LRRC47: variants seen among roughly 807,000 people sequenced by gnomAD.
LRRC47 encodes the protein leucine rich repeat containing 47, also known as leucine-rich repeat-containing protein 47.
A neutral mutation model predicts 40.9 loss-of-function variants in LRRC47; 31 were observed. That is an observed-to-expected ratio of 0.76 (90% CI 0.57 to 1.02). LRRC47 has a LOEUF of 1.02. LRRC47 is among the 50% of genes least tolerant of loss of function. The probability of loss-of-function intolerance (pLI) is 0.00; values close to 1 mark genes in which losing one functional copy is unlikely to be tolerated. For missense variants in LRRC47, 726 were observed against 796.1 expected, an observed-to-expected ratio of 0.91 and a Z score of 1.06; for synonymous variants, 427 against 371.9, an observed-to-expected ratio of 1.15 and a Z score of -1.70.
At chr1:3,792,293 GC>G (rs1643633699) in intron 1 of LRRC47, among the ~76,000 whole-genome samples, 1 of 152,186 alleles carries the variant, frequency 6.6e-6, no homozygotes, top group South Asian at 2.1e-4. Flanking sequence ...CTGATAGAGA[GC>G]CACTGGACGC....
chr1:3,793,791 A>G (rs574999421), intron 1 of LRRC47, among the ~76,000 whole-genome samples: 1 of 152,256 alleles, frequency 6.6e-6, no homozygotes, highest in African/African-American at 2.4e-5. Flanking sequence ...CCACACCCCT[A>G]TGATTGCACC....
Position 3,781,598 on chromosome 1 carries a change from T to C in LRRC47, c.1417A>G (p.Lys473Glu). Residue 473 changes from lysine to glutamate, a missense_variant, in exon 6 of 7, where the codon AAG becomes GAG. By Grantham distance (56) the Lys-to-Glu change is moderately conservative (BLOSUM62 1). Coordinates refer to ENST00000378251, the MANE Select transcript of LRRC47 (RefSeq NM_020710.3). ...PITNSEKTKV[K>E]KTTSDLFLEV... ...AAAAACAAATCAGAAGTCGTTTTCT[T>C]AACCTTAAAAGAAAAAAACATTTCA... is the stretch of plus-strand genomic sequence containing the variant. 1.2e-6 allele frequency: 2 copies of C among 1,612,302 alleles called. No homozygotes were observed. Among genetic ancestry groups the C allele is most frequent in the Non-Finnish European group, 1.7e-6 (2 of 1,178,812 alleles).
At chr1:3,785,435 A>G (rs1212444694) in intron 2 of LRRC47, 6 of 238,932 alleles carry the variant, frequency 2.5e-5, no homozygotes, top group Non-Finnish European at 2.4e-5. Flanking sequence ...TAACCTATCA[A>G]TCAGCAGACT....
chr1:3,784,856 G>A (rs563006420), intron 3 of LRRC47, among the ~76,000 whole-genome samples: 11 of 152,322 alleles, frequency 7.2e-5, no homozygotes, highest in African/African-American at 2.4e-4. Flanking sequence ...TTAGCTGGGC[G>A]TGGTGGCACA....
chr1:3,790,694 C>T (rs1196556080), intron 1 of LRRC47, among the ~76,000 whole-genome samples: 1 of 152,238 alleles, frequency 6.6e-6, no homozygotes, highest in Non-Finnish European at 1.5e-5. Context: ...GGCAGAGCTA[C>T]TGCTGAGGCC....
Position 3,782,578 on chromosome 1 carries a change from A to G in LRRC47, c.1413+83T>C, listed in dbSNP as rs958270440. 10 of 849,854 alleles carry G rather than the reference A, an allele frequency of 1.2e-5. No homozygotes were observed. The African/African-American group carries it at 1.5e-4, about 13-fold the overall frequency. 52.6% of individuals were successfully genotyped at this position (849,854 alleles called of 1,614,324 possible). On this transcript the variant is annotated intron_variant, in intron 5 of 6. Transcript: ENST00000378251. The stretch of plus-strand genomic sequence containing the variant: ...CAAAATGCTGGGATTACCGGTGTTG[A>G]GCCACCACGCCCCGCAGACTTGTGT...
intron 1 of LRRC47, 108 bp from the exon 2 acceptor site, chr1:3,787,418 G>A: frequency 8.9e-7 from 1 of 1,125,212 alleles, no homozygotes; most frequent in Non-Finnish European, 1.2e-6. Flanking sequence ...AGCCACCACT[G>A]GCCTGTCTGT....
intron 4 of LRRC47, 37 bp from the exon 5 acceptor site, chr1:3,782,800 T>TA (rs1557640511): frequency 5.6e-6 from 7 of 1,241,038 alleles, no homozygotes; most frequent in Non-Finnish European, 8.3e-6. Context: ...GGCATAATTA[T>TA]AAAAGAAACA....
At chr1:3,790,514 C>G (rs1643617432) in intron 1 of LRRC47, among the ~76,000 whole-genome samples, 1 of 152,238 alleles carries the variant, frequency 6.6e-6, no homozygotes, top group Non-Finnish European at 1.5e-5. Flanking sequence ...ACAATGCAGT[C>G]AGGAGAGGTG....
rs905922605 is a variant in LRRC47 at position 3,786,954 on chromosome 1, TCTGA to T, written c.968_971del (p.Val323GlufsTer2). On this transcript the variant is annotated frameshift_variant, in exon 2 of 7. Coordinates refer to ENST00000378251, the MANE Select transcript of LRRC47 (RefSeq NM_020710.3). LOFTEE classifies it high-confidence loss of function. ...GCACATCCCGGACCTCGGGGCTCAC[TCTGA>T]CTGTCAGAGGTACGGGGTTTTCAGA... The T allele has an allele frequency of 3.7e-6, 6 of 1,610,728 alleles. No individual in the cohort carries two copies. The highest frequency in any genetic ancestry group is 5.1e-6 in the Non-Finnish European group (6 of 1,178,714).
chr1:3,791,401 A>C (rs1172569639), intron 1 of LRRC47, among the ~76,000 whole-genome samples: 2 of 152,224 alleles, frequency 1.3e-5, no homozygotes, highest in Non-Finnish European at 2.9e-5. Flanking sequence ...ACGCAGCCAC[A>C]GAGAGACAGG....
At chr1:3,784,965 A>C in intron 3 of LRRC47, 122 bp downstream of exon 3, 2 of 573,298 alleles carry the variant, frequency 3.5e-6, no homozygotes. Context: ...ACTGCACTCC[A>C]GCCTGGGCAA....
Position 3,786,834 on chromosome 1 carries a change from C to T in LRRC47, c.1077+15G>A, listed in dbSNP as rs767416165. On this transcript the variant is annotated intron_variant, in intron 2 of 6. Transcript: ENST00000378251. ...CCTCTGTCCCAGTCATCTGAGGACC[C>T]CCACGGGCACCCACCTGCGAGGTGA... The T allele has an allele frequency of 3.3e-5, 51 of 1,567,010 alleles. No individual in the cohort carries two copies. Among genetic ancestry groups the T allele is most frequent in the Middle Eastern group, 1.8e-4 (1 of 5,486 alleles).
intron 5 of LRRC47, among the ~76,000 whole-genome samples, chr1:3,781,925 G>A (rs1643524136): frequency 6.6e-6 from 1 of 152,192 alleles, no homozygotes; most frequent in Non-Finnish European, 1.5e-5. Flanking sequence ...AGGCTGCAGT[G>A]AGCTATGATC....
In LRRC47 at chr1:3,785,069, C is replaced by T. The variant is rs753442589; in HGVS notation, c.1194+18G>A. On this transcript the variant is annotated intron_variant, in intron 3 of 6. Coordinates refer to ENST00000378251, the MANE Select transcript of LRRC47 (RefSeq NM_020710.3). ...CAAGGAGACTCTTCAGCAGACCCTG[C>T]AAAGGAGGCTGCAGCACCTTGAGGT... is the stretch of plus-strand genomic sequence containing the variant. 1.3e-5 allele frequency: 20 copies of T among 1,567,634 alleles called. No individual in the cohort carries two copies. The highest frequency in any genetic ancestry group is 1.6e-5 in the Non-Finnish European group (19 of 1,152,040).
chr1:3,792,585 C>T lies in LRRC47; in HGVS notation c.615+3277G>A, dbSNP rs532694606. ...AAGCGATTCTCCTGCCTCGGCCTCCCGAGTAGCTGGGACTACAGGCATGCA... is the reference window on the plus strand; with the variant it reads ...AAGCGATTCTCCTGCCTCGGCCTCCTGAGTAGCTGGGACTACAGGCATGCA... On this transcript the variant is annotated intron_variant, in intron 1 of 6. Transcript: ENST00000378251. Among the ~76,000 whole-genome samples the T allele has an allele frequency of 4.6e-5, 7 of 151,808 alleles. No homozygotes were observed. In the South Asian group the frequency reaches 1.5e-3, roughly 32 times the overall value.
At chr1:3,794,201 C>T (rs1643652881) in intron 1 of LRRC47, among the ~76,000 whole-genome samples, 1 of 151,756 alleles carries the variant, frequency 6.6e-6, no homozygotes, top group Non-Finnish European at 1.5e-5. Context: ...TCTCAAACAA[C>T]AATAATAATA....
Position 3,791,441 on chromosome 1 carries a change from C to T in LRRC47, c.616-4131G>A, listed in dbSNP as rs935403117. On this transcript the variant is annotated intron_variant, in intron 1 of 6. Coordinates refer to ENST00000378251, the MANE Select transcript of LRRC47 (RefSeq NM_020710.3). ...GAGCCCGTGCCTTCTGTTTTTTTTC[C>T]TTTCCTCCCCCTTCTTTCTCTCCTT... Among the ~76,000 whole-genome samples the T allele has an allele frequency of 2.0e-5, 3 of 152,088 alleles. No individual in the cohort carries two copies. In the South Asian group the frequency reaches 6.2e-4, roughly 31 times the overall value.
At position 3,781,136 on chromosome 1, in the gene LRRC47, G is replaced by A. The variant is rs6694319; in HGVS notation, c.1704C>T (p.Ser568=). The change falls in exon 7 of 7, where the codon TCC becomes TCT. Residue 568 remains serine (S), a synonymous_variant. Coordinates refer to ENST00000378251, the MANE Select transcript of LRRC47 (RefSeq NM_020710.3). ...GAGGGGCAGTGGCCAGGTCGGCCTT[G>A]GACGGGTACACCACCTTCAGGCTCC... ...LEGSLKVVYP[S]KADLATAPPH... 0.012 allele frequency: 18,586 copies of A among 1,614,018 alleles called. 1,786 individuals carry two copies. In the African/African-American group the frequency reaches 0.21, roughly 19 times the overall value.
Sources: allele counts gnomAD v4.1 joint callset (sites outside exome capture counted in the v4.1 genomes callset), GRCh38; gene constraint gnomAD v4.1.1; transcripts MANE v1.5; gene names NCBI Gene and HGNC (gene_info 2026-07-23, HGNC 2026-07-21).